EFCAB13: variants seen among roughly 807,000 people sequenced by gnomAD.
EFCAB13 encodes EF-hand calcium-binding domain-containing protein 13.
EFCAB13 carries 91 observed loss-of-function variants against 110.2 expected under a neutral mutation model. The observed-to-expected ratio is 0.83, with a 90% confidence interval of 0.70 to 0.98. The LOEUF (loss-of-function observed/expected upper bound fraction) is 0.98. Among genes scored for constraint, EFCAB13 ranks in the 50% least tolerant of loss-of-function variants. The pLI is 0.00. For missense variants in EFCAB13, 968 were observed against 1,119.4 expected, an observed-to-expected ratio of 0.86 and a Z score of 1.93; for synonymous variants, 323 against 369.9, an observed-to-expected ratio of 0.87 and a Z score of 1.45.
At chr17:47,416,586 C>G (rs975920295) in intron 23 of EFCAB13, among the ~76,000 whole-genome samples, 1 of 152,018 alleles carries the variant, frequency 6.6e-6, no homozygotes, top group African/African-American at 2.4e-5. Context: ...CCCTTCTCCC[C>G]CTCCCCTCCT....
intron 23 of EFCAB13, among the ~76,000 whole-genome samples, chr17:47,425,448 TCCC>T (rs1808168117): frequency 6.6e-6 from 1 of 152,140 alleles, no homozygotes; most frequent in Admixed American, 6.5e-5. Context: ...TGAATCTAGT[TCCC>T]ATCATGACTT....
rs545590976 is a variant in EFCAB13, at chr17:47,397,908, C to G, written c.1945+1931C>G. On this transcript the variant is annotated intron_variant, in intron 17 of 24. Coordinates refer to ENST00000331493, the MANE Select transcript of EFCAB13 (RefSeq NM_152347.5). ...GTCTCCACCCAGCAGCCACCCCATC[C>G]GGGAGGGAGGTGGGGGTCAGCCCCC... 4.1e-4 allele frequency among the ~76,000 whole-genome samples: 62 copies of G among 151,438 alleles called. 2 individuals carry two copies. The South Asian group carries it at 0.012, about 30-fold the overall frequency.
chr17:47,397,709 A>T (rs546164194), intron 17 of EFCAB13, among the ~76,000 whole-genome samples: 1,759 of 143,228 alleles, frequency 0.012, 40 homozygotes, highest in African/African-American at 0.044. Context: ...CCGCGACCCC[A>T]TCTGGGAGGT....
chr17:47,374,442 A>G (rs757032283), intron 11 of EFCAB13, 30 bp from the exon 12 acceptor site: 1 of 1,415,142 alleles, frequency 7.1e-7, no homozygotes, highest in South Asian at 1.6e-5. Context: ...ATACAGGTAA[A>G]TGAAATAATT....
chr17:47,347,053 G>A (rs573932992), intron 8 of EFCAB13, among the ~76,000 whole-genome samples: 53 of 152,272 alleles, frequency 3.5e-4, no homozygotes, highest in Non-Finnish European at 7.2e-4. Context: ...GAGACTAGGA[G>A]TTCAAGACCA....
intron 9 of EFCAB13, among the ~76,000 whole-genome samples, chr17:47,353,305 T>A (rs986955134): frequency 1.3e-5 from 2 of 151,910 alleles, no homozygotes; most frequent in African/African-American, 4.8e-5. Context: ...TATTTTTTTT[T>A]ATTTTTTGAG....
At chr17:47,362,486 T>C (rs1385846424) in intron 10 of EFCAB13, among the ~76,000 whole-genome samples, 1 of 152,182 alleles carries the variant, frequency 6.6e-6, no homozygotes, top group African/African-American at 2.4e-5. Flanking sequence ...CTTAGCAGAC[T>C]GGGAAAGGCA....
chr17:47,432,595 A>C (rs1326265526), intron 24 of EFCAB13, among the ~76,000 whole-genome samples: 3 of 152,136 alleles, frequency 2.0e-5, no homozygotes, highest in African/African-American at 7.2e-5. Flanking sequence ...GTCTCAAAAA[A>C]ACAGATAAAT....
chr17:47,351,320 C>T lies in EFCAB13; in HGVS notation c.661+3369C>T, dbSNP rs1170739914. Among the ~76,000 whole-genome samples, 379 of 40,392 alleles carry T rather than the reference C, an allele frequency of 9.4e-3. 2 individuals are homozygous for T. The highest frequency in any genetic ancestry group is 0.044 in the Middle Eastern group (3 of 68). 26.5% of individuals were successfully genotyped at this position (40,392 alleles called of 152,430 possible). On this transcript the variant is annotated intron_variant, in intron 9 of 24. Coordinates refer to ENST00000331493, the MANE Select transcript of EFCAB13 (RefSeq NM_152347.5). ...GTGTGTGTGTGCGCGCGCGCGCGCG[C>T]GCGCGCGCCACGTTTTCTTTATCCA...
intron 9 of EFCAB13, among the ~76,000 whole-genome samples, chr17:47,354,312 A>G (rs2065468802): frequency 6.6e-6 from 1 of 152,002 alleles, no homozygotes; most frequent in Admixed American, 6.6e-5. Context: ...ATCTTGGAGG[A>G]TGTTCCATGT....
At chr17:47,389,224 G>A (rs1415567260) in intron 14 of EFCAB13, among the ~76,000 whole-genome samples, 2 of 152,152 alleles carry the variant, frequency 1.3e-5, no homozygotes, top group African/African-American at 4.8e-5. Flanking sequence ...CTTTTGTAGA[G>A]ATGTGGTCTC....
chr17:47,351,515 C>A (rs1393477423), intron 9 of EFCAB13, among the ~76,000 whole-genome samples: 1 of 152,036 alleles, frequency 6.6e-6, no homozygotes, highest in Non-Finnish European at 1.5e-5. Context: ...ATTTTTAGTT[C>A]TTTGAGAAAT....
At position 47,416,527 on chromosome 17, in the gene EFCAB13, C is replaced by A. The variant is rs536224123; in HGVS notation, c.2494+1608C>A. Among the ~76,000 whole-genome samples the A allele has an allele frequency of 7.9e-4, 120 of 151,960 alleles. 1 individual carries two copies. The highest frequency in any genetic ancestry group is 2.8e-3 in the African/African-American group (116 of 41,294). Reference sequence around the variant, plus strand: ...AGGTTTGGGATATGAATGATCCCATCACCCAGGTACTGAGGATAGTATGCA... The same window carrying A: ...AGGTTTGGGATATGAATGATCCCATAACCCAGGTACTGAGGATAGTATGCA... On this transcript the variant is annotated intron_variant, in intron 23 of 24. Coordinates refer to ENST00000331493, the MANE Select transcript of EFCAB13 (RefSeq NM_152347.5).
At chr17:47,358,232 C>T (rs541181267) in intron 9 of EFCAB13, among the ~76,000 whole-genome samples, 95 of 152,018 alleles carry the variant, frequency 6.2e-4, no homozygotes, top group Non-Finnish European at 9.4e-4. Flanking sequence ...TTATCAATTA[C>T]TAGGCAGAGT....
At chr17:47,335,398 T>G (rs184619365) in intron 5 of EFCAB13, 42 bp downstream of exon 5, 9 of 1,523,474 alleles carry the variant, frequency 5.9e-6, no homozygotes. Context: ...AATTATACTT[T>G]TGCAAGTTAA....
chr17:47,332,867 A>T (rs1356101501), intron 4 of EFCAB13, among the ~76,000 whole-genome samples: 1 of 152,202 alleles, frequency 6.6e-6, no homozygotes, highest in African/African-American at 2.4e-5. Context: ...ATAATGCTGA[A>T]ATGAATATGG....
At chr17:47,427,818 A>T (rs1905012049) in intron 23 of EFCAB13, among the ~76,000 whole-genome samples, 1 of 152,022 alleles carries the variant, frequency 6.6e-6, no homozygotes, top group Non-Finnish European at 1.5e-5. Flanking sequence ...TTATCTTTTT[A>T]AAAAACATAT....
At chr17:47,375,757 C>CT (rs1221100092) in intron 12 of EFCAB13, among the ~76,000 whole-genome samples, 1 of 152,088 alleles carries the variant, frequency 6.6e-6, no homozygotes, top group African/African-American at 2.4e-5. Flanking sequence ...GGCCTGGTTT[C>CT]TTTTGGAAAC....
intron 4 of EFCAB13, among the ~76,000 whole-genome samples, chr17:47,331,498 T>C (rs1236521873): frequency 6.6e-6 from 1 of 152,114 alleles, no homozygotes; most frequent in African/African-American, 2.4e-5. Flanking sequence ...ACTGCCCCTA[T>C]ACATGCACAG....
Sources: gnomAD v4.1 joint callset for allele counts (sites outside exome capture counted in the v4.1 genomes callset) on GRCh38, gnomAD v4.1.1 for gene constraint, MANE v1.5 for transcripts, NCBI Gene and HGNC (gene_info 2026-07-23, HGNC 2026-07-21) for gene names.